KALRN: variants seen among roughly 807,000 people sequenced by gnomAD.
KALRN encodes kalirin.
In KALRN, 70 loss-of-function variants were observed where a neutral mutation model predicts 353.7. The ratio of observed to expected loss-of-function variants is 0.20; its 90% CI spans 0.16 to 0.24. The LOEUF is 0.24. Among genes scored for constraint, KALRN ranks in the 10% least tolerant of loss-of-function variants. KALRN has a pLI of 1.00. For missense variants in KALRN, 2,791 were observed against 3,756.7 expected, an observed-to-expected ratio of 0.74 and a Z score of 6.72; for synonymous variants, 1,391 against 1,434.8, an observed-to-expected ratio of 0.97 and a Z score of 0.69.
intron 6 of KALRN, among the ~76,000 whole-genome samples, chr3:124,302,194 G>A (rs1478707370): frequency 6.6e-6 from 1 of 152,186 alleles, no homozygotes; most frequent in Non-Finnish European, 1.5e-5. Flanking sequence ...TGGATACTGA[G>A]CATATAGTGG....
intron 42 of KALRN, 98 bp downstream of exon 42, chr3:124,658,615 C>G: frequency 1.2e-6 from 1 of 863,834 alleles, no homozygotes; most frequent in Admixed American, 1.9e-5. Flanking sequence ...CATATGTGAC[C>G]CCCACACAGC....
chr3:124,109,429 C>A, intron 1 of KALRN, among the ~76,000 whole-genome samples: 1 of 151,774 alleles, frequency 6.6e-6, no homozygotes, highest in East Asian at 1.9e-4. Flanking sequence ...TGCTAAAATC[C>A]CTTCCCTATT....
intron 5 of KALRN, among the ~76,000 whole-genome samples, chr3:124,282,858 A>G (rs570788358): frequency 6.6e-6 from 1 of 152,326 alleles, no homozygotes; most frequent in Non-Finnish European, 1.5e-5. Flanking sequence ...GGATGTGCCC[A>G]GCCTGGCTCC....
chr3:124,443,518 G>A (rs923601360), intron 19 of KALRN, among the ~76,000 whole-genome samples: 2 of 152,208 alleles, frequency 1.3e-5, no homozygotes, highest in African/African-American at 2.4e-5. Context: ...TCTTCCAAAT[G>A]TGCTATTCTA....
At chr3:124,051,952 G>T (rs1161329639) in intron 1 of KALRN, among the ~76,000 whole-genome samples, 1 of 152,212 alleles carries the variant, frequency 6.6e-6, no homozygotes, top group Non-Finnish European at 1.5e-5. Context: ...CCCTCTCTGA[G>T]GCTTAAGAGA....
chr3:124,492,993 A>C (rs2063333086), intron 32 of KALRN, 111 bp downstream of exon 32: 9 of 1,259,830 alleles, frequency 7.1e-6, no homozygotes, highest in Non-Finnish European at 1.0e-5. Context: ...GGCACTCTCC[A>C]GGAAGGCCTG....
At chr3:124,210,107 C>T (rs2076777217) in intron 1 of KALRN, among the ~76,000 whole-genome samples, 1 of 152,174 alleles carries the variant, frequency 6.6e-6, no homozygotes, top group Non-Finnish European at 1.5e-5. Flanking sequence ...TGTAAACGCT[C>T]TCTGTATCTC....
chr3:124,615,709 G>A (rs939313548), intron 34 of KALRN, among the ~76,000 whole-genome samples: 3 of 152,194 alleles, frequency 2.0e-5, no homozygotes, highest in Non-Finnish European at 4.4e-5. Flanking sequence ...CGGTTGCAGG[G>A]TGGGCCAGGC....
At chr3:124,374,319 T>C (rs1278353768) in intron 10 of KALRN, 1 of 152,274 alleles carries the variant, frequency 6.6e-6, no homozygotes, top group Non-Finnish European at 1.5e-5. Context: ...TATAGCAGCA[T>C]GAATGGTCTA....
chr3:124,690,579 A>G (rs2061761663), intron 51 of KALRN, among the ~76,000 whole-genome samples: 2 of 152,220 alleles, frequency 1.3e-5, no homozygotes, highest in African/African-American at 4.8e-5. Context: ...TGCTTTTCCT[A>G]AGACCCTCCC....
At chr3:124,255,397 G>T (rs774419163) in intron 3 of KALRN, among the ~76,000 whole-genome samples, 3 of 152,076 alleles carry the variant, frequency 2.0e-5, no homozygotes, top group Non-Finnish European at 1.5e-5. Context: ...TCTCCTTCTA[G>T]AATGAAACTT....
chr3:124,127,488 CCT>C (rs1264843441), intron 1 of KALRN, among the ~76,000 whole-genome samples: 1 of 152,138 alleles, frequency 6.6e-6, no homozygotes, highest in Non-Finnish European at 1.5e-5. Flanking sequence ...CCCAAACTTC[CCT>C]CTTTCAGGAA....
At chr3:124,068,377 T>A (rs972120841) in intron 1 of KALRN, among the ~76,000 whole-genome samples, 8 of 152,182 alleles carry the variant, frequency 5.3e-5, no homozygotes, top group African/African-American at 1.7e-4. Context: ...CAGACCACTT[T>A]GTGAAATTAG....
intron 6 of KALRN, among the ~76,000 whole-genome samples, chr3:124,324,203 CATGCCCAAGTAA>C (rs1203531864): frequency 6.6e-6 from 1 of 152,210 alleles, no homozygotes; most frequent in East Asian, 1.9e-4. Context: ...TTCCTGGGAC[CATGCCCAAGTAA>C]ACTGTCTCTC....
chr3:124,702,578 C>G (rs1371170285), intron 57 of KALRN, among the ~76,000 whole-genome samples: 1 of 152,070 alleles, frequency 6.6e-6, no homozygotes, highest in Non-Finnish European at 1.5e-5. Flanking sequence ...GTCAGAAAAT[C>G]TATATGGTAC....
intron 34 of KALRN, among the ~76,000 whole-genome samples, chr3:124,601,923 G>A (rs2076843040): frequency 6.6e-6 from 1 of 151,884 alleles, no homozygotes; most frequent in Non-Finnish European, 1.5e-5. Context: ...CTACTCAGTA[G>A]GCTGAGGGGG....
intron 28 of KALRN, 59 bp downstream of exon 28, chr3:124,482,959 C>T: frequency 8.8e-7 from 1 of 1,141,106 alleles, no homozygotes; most frequent in Admixed American, 1.7e-5. Flanking sequence ...CAAGGGAGTC[C>T]CAGCTTTGGC....
chr3:124,675,380 A>G (rs149851299), intron 49 of KALRN: 2 of 152,330 alleles, frequency 1.3e-5, no homozygotes, highest in Admixed American at 6.5e-5. Flanking sequence ...TAAATGTACT[A>G]TTTTAAATAT....
chr3:124,082,929 T>C (rs946998443), intron 1 of KALRN, among the ~76,000 whole-genome samples: 4 of 152,234 alleles, frequency 2.6e-5, no homozygotes, highest in African/African-American at 9.6e-5. Flanking sequence ...AACAGACCTA[T>C]CCTAGGTAAA....
Sources: gnomAD v4.1 joint callset for allele counts (sites outside exome capture counted in the v4.1 genomes callset) on GRCh38, gnomAD v4.1.1 for gene constraint, MANE v1.5 for transcripts, NCBI Gene and HGNC (gene_info 2026-07-23, HGNC 2026-07-21) for gene names.